HIBCH: variants seen among roughly 807,000 people sequenced by gnomAD.
The protein encoded by HIBCH is 3-hydroxyisobutyryl-CoA hydrolase.
Under a neutral mutation model 58.2 loss-of-function variants are expected in HIBCH, and 50 were observed. That is an observed-to-expected ratio of 0.86 (90% CI 0.68 to 1.09). The LOEUF (loss-of-function observed/expected upper bound fraction) is 1.09, where lower values mean the gene tolerates loss of function less well. Ranked by LOEUF, HIBCH falls within the 50% of genes least tolerant of loss-of-function variation. HIBCH has a pLI of 0.00. For synonymous variants in HIBCH, 151 were observed against 146.9 expected, an observed-to-expected ratio of 1.03 and a Z score of -0.20; for missense variants, 450 against 449.7, an observed-to-expected ratio of 1.00 and a Z score of -0.01.
rs1686265321 is a variant in HIBCH at position 190,236,094 on chromosome 2, A to G, written c.891+8793T>C. ...CAAAAGGTAAGAGGTTGAGAGAAAA[A>G]GACGTAACAGAATGGAGACAAGCAG... On this transcript the variant is annotated intron_variant, in intron 11 of 13. Coordinates refer to ENST00000359678, the MANE Select transcript of HIBCH (RefSeq NM_014362.4). This position sits in a 1 kb window ranked among gnomAD's most constrained non-coding sequence, Gnocchi z 4.1. Among the ~76,000 whole-genome samples the G allele has an allele frequency of 6.6e-6, 1 of 152,164 alleles. No homozygotes were observed.
chr2:190,192,558 G>A (rs1484669616), intron 1 of HIBCH, among the ~76,000 whole-genome samples: 2 of 151,450 alleles, frequency 1.3e-5, no homozygotes, highest in African/African-American at 2.4e-5. Context: ...GAATCCATTT[G>A]TCAATGTCTA....
At chr2:190,284,268 T>C (rs138841417) in intron 6 of HIBCH, among the ~76,000 whole-genome samples, 7 of 152,336 alleles carry the variant, frequency 4.6e-5, no homozygotes, top group African/African-American at 1.7e-4. Flanking sequence ...GGTTGTTACA[T>C]ATGAGGAATA....
intron 5 of HIBCH, among the ~76,000 whole-genome samples, chr2:190,289,577 A>G (rs532935679): frequency 6.6e-6 from 1 of 152,286 alleles, no homozygotes; most frequent in East Asian, 1.9e-4. Context: ...GTAACTTCCA[A>G]ACTTGCAGTA....
intron 7 of HIBCH, among the ~76,000 whole-genome samples, chr2:190,255,418 C>G (rs1364460489): frequency 6.6e-6 from 1 of 152,176 alleles, no homozygotes; most frequent in Non-Finnish European, 1.5e-5. Flanking sequence ...AAGGACAACT[C>G]CTCTGAGAGC....
chr2:190,291,822 T>C (rs561238216), intron 4 of HIBCH, among the ~76,000 whole-genome samples: 2 of 152,374 alleles, frequency 1.3e-5, no homozygotes, highest in East Asian at 1.9e-4. Context: ...TCCTCTTCTA[T>C]ATACTGCAAC....
At chr2:190,200,199 G>T, downstream of HIBCH, 2 of 1,511,874 alleles carry the variant, frequency 1.3e-6, no homozygotes, top group Non-Finnish European at 1.8e-6. Flanking sequence ...TTGAATAAAT[G>T]TGACAAAAGC....
At chr2:190,227,572 G>A (rs566625442) in intron 11 of HIBCH, among the ~76,000 whole-genome samples, 61 of 152,120 alleles carry the variant, frequency 4.0e-4, no homozygotes, top group Admixed American at 1.2e-3. Context: ...TGACAAATGG[G>A]ATCTAATTAA....
intron 1 of HIBCH, 98 bp downstream of exon 1, chr2:190,319,618 C>T: frequency 2.8e-6 from 3 of 1,075,078 alleles, no homozygotes; most frequent in South Asian, 2.7e-5. Context: ...GAGCGCGACT[C>T]GAAACTTCGA....
rs928097941 is a variant in HIBCH, at chr2:190,236,944, ACT to A, written c.891+7941_891+7942del. 6.6e-6 allele frequency among the ~76,000 whole-genome samples: 1 copy of A among 152,088 alleles called. No individual in the cohort carries two copies. Among genetic ancestry groups the A allele is most frequent in the African/African-American group, 2.4e-5 (1 of 41,410 alleles). Reference sequence around the variant, plus strand: ...ACTGATGCATTTTCCCCTTTATCATACTCTTTCCCCAAAGCACAATGTATCCA... The same window carrying A: ...ACTGATGCATTTTCCCCTTTATCATACTTTCCCCAAAGCACAATGTATCCA... On this transcript the variant is annotated intron_variant, in intron 11 of 13. Coordinates refer to ENST00000359678, the MANE Select transcript of HIBCH (RefSeq NM_014362.4). This position sits in a 1 kb window ranked among gnomAD's most constrained non-coding sequence, Gnocchi z 4.1.
chr2:190,219,432 T>C (rs899179688), intron 11 of HIBCH, among the ~76,000 whole-genome samples: 1 of 152,208 alleles, frequency 6.6e-6, no homozygotes. Flanking sequence ...TGCCGCTTGT[T>C]GGCCTCCACT....
At position 190,214,402 on chromosome 2, in the gene HIBCH, G is replaced by A. The variant is rs546745831; in HGVS notation, c.892-1327C>T. The A allele has an allele frequency of 3.3e-5, 5 of 152,270 alleles. No individual in the cohort carries two copies. The highest frequency in any genetic ancestry group is 1.9e-4 in the East Asian group (1 of 5,190). 9.4% of individuals were successfully genotyped at this position (152,270 alleles called of 1,614,324 possible). A position where few individuals can be genotyped will look rare whatever the true frequency, so the allele number is the denominator to read the frequency against. ...AGGCCTACAGAACAAAGGAAAGAGC[G>A]AACTAAAAAGACCCCCTCTGACATT... On this transcript the variant is annotated intron_variant, in intron 11 of 13. Transcript: ENST00000359678. This position sits in a 1 kb window ranked among gnomAD's most constrained non-coding sequence, Gnocchi z 5.5.
chr2:190,245,409 C>T (rs1020428312), intron 10 of HIBCH: 2 of 158,528 alleles, frequency 1.3e-5, no homozygotes, highest in African/African-American at 4.8e-5. Context: ...AAAGTTAATT[C>T]AATTATTATT....
chr2:190,314,400 TAC>T (rs1688660358), intron 1 of HIBCH, among the ~76,000 whole-genome samples: 11 of 146,604 alleles, frequency 7.5e-5, no homozygotes, highest in Admixed American at 1.4e-4. Flanking sequence ...TGTATATATA[TAC>T]GTATATATGT....
rs7564629 is a variant in HIBCH, at chr2:190,255,916, T to A, written c.518-3609A>T. On this transcript the variant is annotated intron_variant, in intron 7 of 13. Transcript: ENST00000359678. ...ACACTACCCGAGACTGAGTAATTTA[T>A]AAAGGAAAGAGGTTTAATTGACTCA... Among the ~76,000 whole-genome samples the A allele has an allele frequency of 6.2e-3, 949 of 152,126 alleles. 6 individuals carry two copies. Among genetic ancestry groups the A allele is most frequent in the African/African-American group, 0.021 (884 of 41,478 alleles).
intron 6 of HIBCH, among the ~76,000 whole-genome samples, chr2:190,283,315 C>A (rs545293999): frequency 6.6e-6 from 1 of 152,246 alleles, no homozygotes; most frequent in Admixed American, 6.5e-5. Context: ...TGCCAAACCA[C>A]TCACCCCATC....
At chr2:190,263,638 C>A (rs1387951771) in intron 6 of HIBCH, among the ~76,000 whole-genome samples, 1 of 152,180 alleles carries the variant, frequency 6.6e-6, no homozygotes, top group Non-Finnish European at 1.5e-5. Flanking sequence ...TATTTAACGT[C>A]TCGTCTTGAA....
intron 7 of HIBCH, among the ~76,000 whole-genome samples, chr2:190,255,828 G>GGAGAGA (rs56688526): frequency 6.0e-5 from 9 of 150,120 alleles, no homozygotes; most frequent in South Asian, 2.1e-4. Flanking sequence ...GCTTAGGAAT[G>GGAGAGA]GAGAGAGAGA....
chr2:190,307,469 C>T (rs138133633), intron 2 of HIBCH, among the ~76,000 whole-genome samples: 6 of 152,168 alleles, frequency 3.9e-5, no homozygotes, highest in African/African-American at 1.2e-4. Context: ...CCCAGAGGTT[C>T]GAGGCCAGTC....
intron 6 of HIBCH, among the ~76,000 whole-genome samples, chr2:190,267,922 C>G (rs780301210): frequency 5.3e-5 from 8 of 152,168 alleles, no homozygotes; most frequent in Non-Finnish European, 1.2e-4. Flanking sequence ...CCTGACTAGA[C>G]TGAGATGATC....
Sources: allele counts gnomAD v4.1 joint callset (sites outside exome capture counted in the v4.1 genomes callset), GRCh38; gene constraint gnomAD v4.1.1; non-coding constraint Gnocchi (gnomAD v3.1); transcripts MANE v1.5; gene names NCBI Gene and HGNC (gene_info 2026-07-23, HGNC 2026-07-21).